Variants in AP2B1 observed in about 807,000 individuals in gnomAD.
The protein encoded by AP2B1 is AP-2 complex subunit beta.
AP2B1 carries 23 observed loss-of-function variants against 102.0 expected under a neutral mutation model. The observed-to-expected ratio is 0.23, with a 90% CI of 0.16 to 0.32. The LOEUF is 0.32. AP2B1 is among the 10% of genes least tolerant of loss of function. AP2B1 has a pLI of 1.00. For synonymous variants in AP2B1, 381 were observed against 421.2 expected (o/e 0.90, Z 1.17); for missense variants, 541 against 1,157.4 (o/e 0.47, Z 7.73).
intron 3 of AP2B1, among the ~76,000 whole-genome samples, chr17:35,605,166 A>G (rs902412000): frequency 2.6e-5 from 4 of 151,924 alleles, no homozygotes; most frequent in Non-Finnish European, 5.9e-5. Context: ...CAGCCTCCCA[A>G]AGTTCTGAGA....
At chr17:35,612,199 A>T (rs2073884987) in intron 5 of AP2B1, among the ~76,000 whole-genome samples, 2 of 152,200 alleles carry the variant, frequency 1.3e-5, no homozygotes. Context: ...TGTTTGACTT[A>T]GCCTAAAGAG....
rs1218640566 is a variant in AP2B1 at position 35,636,460 on chromosome 17, T to G, written c.1271+4T>G. On this transcript the variant is annotated splice_donor_region_variant and intron_variant, in intron 10 of 21. Transcript: ENST00000610402. ...TCTTCCGCAAATACCCCAACAAGTA[T>G]GTCCAAATACCTTTACCCCTCTTTC... 1 of 1,602,868 alleles carries G rather than the reference T, an allele frequency of 6.2e-7. No individual in the cohort carries two copies. Among genetic ancestry groups the G allele is most frequent in the South Asian group, 1.1e-5 (1 of 90,834 alleles).
intron 6 of AP2B1, among the ~76,000 whole-genome samples, chr17:35,625,326 A>G (rs1273277468): frequency 6.6e-6 from 1 of 152,214 alleles, no homozygotes; most frequent in Non-Finnish European, 1.5e-5. Flanking sequence ...GCTGAAGCTG[A>G]TTTCCAAGCT....
chr17:35,688,082 A>G (rs952201444), intron 18 of AP2B1, among the ~76,000 whole-genome samples: 15 of 152,196 alleles, frequency 9.9e-5, no homozygotes, highest in Non-Finnish European at 1.5e-5. Flanking sequence ...TGCCTGGAAC[A>G]TAGCTGTCTT....
chr17:35,651,020 T>G, intron 13 of AP2B1: 1 of 493,506 alleles, frequency 2.0e-6, no homozygotes, highest in Non-Finnish European at 3.6e-6. Flanking sequence ...AAGACTCCTC[T>G]GTGTTCCAAT....
chr17:35,602,412 A>G (rs937188341), intron 3 of AP2B1, among the ~76,000 whole-genome samples: 1 of 152,222 alleles, frequency 6.6e-6, no homozygotes, highest in African/African-American at 2.4e-5. Flanking sequence ...GAGATTAGCT[A>G]TTTGTAGATT....
intron 14 of AP2B1, among the ~76,000 whole-genome samples, chr17:35,669,426 G>C (rs560550686): frequency 5.8e-4 from 88 of 152,318 alleles, no homozygotes; most frequent in African/African-American, 2.0e-3. Flanking sequence ...ACAGGCATGA[G>C]CCACCACGCC....
chr17:35,642,222 A>C (rs1439182034), intron 12 of AP2B1, among the ~76,000 whole-genome samples: 1 of 152,184 alleles, frequency 6.6e-6, no homozygotes, highest in Non-Finnish European at 1.5e-5. Flanking sequence ...CTAGACTCTT[A>C]GTTTAGTGAA....
At chr17:35,666,400 G>A (rs2075466046) in intron 14 of AP2B1, among the ~76,000 whole-genome samples, 1 of 152,182 alleles carries the variant, frequency 6.6e-6, no homozygotes. Context: ...AATGACTACA[G>A]CAATTATGGG....
chr17:35,704,023 G>A (rs752109924), intron 18 of AP2B1, among the ~76,000 whole-genome samples: 25 of 152,072 alleles, frequency 1.6e-4, no homozygotes, highest in Non-Finnish European at 2.6e-4. Flanking sequence ...TTGGGATAGT[G>A]AATTTTTAAA....
At chr17:35,661,516 G>C (rs1239042237) in intron 14 of AP2B1, among the ~76,000 whole-genome samples, 1 of 152,116 alleles carries the variant, frequency 6.6e-6, no homozygotes, top group Non-Finnish European at 1.5e-5. Context: ...CTTTACTTTT[G>C]TTCTTTTCCC....
At chr17:35,620,618 C>T (rs1487234961) in intron 5 of AP2B1, among the ~76,000 whole-genome samples, 1 of 152,068 alleles carries the variant, frequency 6.6e-6, no homozygotes, top group African/African-American at 2.4e-5. Flanking sequence ...AGTTCAAGAC[C>T]AGCCTGGGCA....
intron 17 of AP2B1, among the ~76,000 whole-genome samples, chr17:35,677,662 G>A (rs1418910303): frequency 1.3e-5 from 2 of 151,980 alleles, no homozygotes; most frequent in East Asian, 3.9e-4. Flanking sequence ...GATTTTTATT[G>A]GAATTGCAGT....
At chr17:35,606,967 G>A (rs956281524) in intron 4 of AP2B1, among the ~76,000 whole-genome samples, 15 of 150,688 alleles carry the variant, frequency 1.0e-4, no homozygotes, top group South Asian at 2.1e-4. Flanking sequence ...GTGCAATGGC[G>A]CAATCTCAGC....
intron 18 of AP2B1, among the ~76,000 whole-genome samples, chr17:35,702,542 T>C (rs1443950433): frequency 1.3e-5 from 2 of 152,082 alleles, no homozygotes; most frequent in Non-Finnish European, 2.9e-5. Context: ...TGCAACTTGG[T>C]TTTTATTCTG....
intron 14 of AP2B1, among the ~76,000 whole-genome samples, chr17:35,665,489 C>T (rs2075446742): frequency 6.6e-6 from 1 of 152,086 alleles, no homozygotes; most frequent in South Asian, 2.1e-4. Flanking sequence ...CATACTTTAA[C>T]CTACAAGATA....
intron 17 of AP2B1, among the ~76,000 whole-genome samples, chr17:35,674,782 A>G (rs3826401): frequency 0.024 from 3,663 of 152,342 alleles, 130 homozygotes; most frequent in East Asian, 0.19. Flanking sequence ...CTTTTCAGTT[A>G]TCAGCTTCAA....
intron 18 of AP2B1, among the ~76,000 whole-genome samples, chr17:35,694,955 GC>G (rs1006237341): frequency 1.3e-5 from 2 of 152,114 alleles, no homozygotes; most frequent in African/African-American, 2.4e-5. Flanking sequence ...TTGTGCCTCT[GC>G]CCCCCTCTTC....
At chr17:35,610,701 A>G (rs2073832328) in intron 5 of AP2B1, among the ~76,000 whole-genome samples, 1 of 151,954 alleles carries the variant, frequency 6.6e-6, no homozygotes, top group South Asian at 2.1e-4. Context: ...AAGTCAGGAA[A>G]TCAGGACCAT....
Sources: allele counts gnomAD v4.1 joint callset (sites outside exome capture counted in the v4.1 genomes callset), GRCh38; gene constraint gnomAD v4.1.1; transcripts MANE v1.5; gene names NCBI Gene and HGNC (gene_info 2026-07-23, HGNC 2026-07-21).